The following JAKMIP1 variants were observed in gnomAD, a reference collection of about 807,000 sequenced individuals.
JAKMIP1 encodes janus kinase and microtubule interacting protein 1.
A neutral mutation model predicts 113.0 loss-of-function variants in JAKMIP1; 33 were observed. The observed-to-expected ratio is 0.29, with a 90% CI of 0.22 to 0.39. The LOEUF is 0.39. Among genes scored for constraint, JAKMIP1 ranks in the 10% least tolerant of loss-of-function variants. The pLI, the probability that JAKMIP1 is intolerant of heterozygous loss-of-function variation, is 1.00. For missense variants in JAKMIP1, 813 were observed against 1,080.5 expected (o/e 0.75, Z 3.47); for synonymous variants, 480 against 459.9 (o/e 1.04, Z -0.56).
At position 6,105,806 on chromosome 4, in the gene JAKMIP1, C is replaced by T. The variant is rs748881878; in HGVS notation, c.291G>A (p.Gln97=). 1 of 1,609,740 alleles carries T rather than the reference C, an allele frequency of 6.2e-7. No homozygotes were observed. The highest frequency in any genetic ancestry group is 8.5e-7 in the Non-Finnish European group (1 of 1,179,722). The stretch of plus-strand genomic sequence containing the variant: ...TGATCTTGGCGGTGCGCGCCGCCTC[C>T]TGCTCGTGCTGCCGGATGAGCCCCT... ...LREGLIRQHE[Q]EAARTAKIKE... is the part of the protein sequence containing the mutation. Residue 97 remains glutamine (Q), a synonymous_variant, in exon 3 of 21, where the codon CAG becomes CAA. Transcript: ENST00000409021.
At chr4:6,098,683 A>AG (rs1491355396) in intron 3 of JAKMIP1, among the ~76,000 whole-genome samples, 20 of 7,512 alleles carry the variant, frequency 2.7e-3, no homozygotes, top group South Asian at 0.016. Context: ...AAAGAAAGAA[A>AG]GAAAGAAAGA....
chr4:6,087,229 T>C (rs4689336), intron 3 of JAKMIP1, among the ~76,000 whole-genome samples: 70,408 of 152,104 alleles, frequency 0.46, 17,356 homozygotes, highest in Admixed American at 0.6. Flanking sequence ...CCTCTTCTGA[T>C]AGCAGAGAGA....
chr4:6,066,764 GC>G (rs1440848881), intron 8 of JAKMIP1, among the ~76,000 whole-genome samples: 11 of 152,010 alleles, frequency 7.2e-5, no homozygotes, highest in African/African-American at 2.7e-4. Flanking sequence ...CTTGGTCCCA[GC>G]CACCAATATC....
chr4:6,196,182 C>T (rs1159917780), intron 1 of JAKMIP1, among the ~76,000 whole-genome samples: 1 of 152,224 alleles, frequency 6.6e-6, no homozygotes, highest in African/African-American at 2.4e-5. Flanking sequence ...TTCTCCTCTA[C>T]TTTCCAGTAT....
intron 3 of JAKMIP1, among the ~76,000 whole-genome samples, chr4:6,091,362 T>TC (rs1560170244): frequency 6.6e-6 from 1 of 151,894 alleles, no homozygotes; most frequent in Non-Finnish European, 1.5e-5. Context: ...CAGAGTATTT[T>TC]TTCCCCCATT....
intron 1 of JAKMIP1, among the ~76,000 whole-genome samples, chr4:6,173,185 A>G (rs1285040510): frequency 2.0e-5 from 3 of 152,196 alleles, no homozygotes; most frequent in Non-Finnish European, 4.4e-5. Flanking sequence ...GGAGGGATGG[A>G]GAGAAAGAAG....
rs71984154 is a variant in JAKMIP1, at chr4:6,139,055, AACACAC to A, written c.-147-26064_-147-26059del. ...ATTGTTTGCATGTGACATCATTAGA[AACACAC>A]ACACACACACACACACACACACATA... On this transcript the variant is annotated intron_variant, in intron 1 of 20. Coordinates refer to ENST00000409021, the MANE Select transcript of JAKMIP1 (RefSeq NM_001099433.2). This position sits in a 1 kb window ranked among gnomAD's most constrained non-coding sequence, Gnocchi z 5.2. 0.037 allele frequency among the ~76,000 whole-genome samples: 3,777 copies of A among 103,450 alleles called. 58 individuals are homozygous for A. Among genetic ancestry groups the A allele is most frequent in the South Asian group, 0.055 (170 of 3,118 alleles). 67.9% of individuals were successfully genotyped at this position (103,450 alleles called of 152,430 possible).
At chr4:6,032,372 A>G (rs758219480) in intron 19 of JAKMIP1, among the ~76,000 whole-genome samples, 4 of 152,208 alleles carry the variant, frequency 2.6e-5, no homozygotes, top group Non-Finnish European at 5.9e-5. Flanking sequence ...GAGGCCAGAA[A>G]GAGCAGTGGG....
chr4:6,123,596 G>A (rs1716998758), intron 1 of JAKMIP1, among the ~76,000 whole-genome samples: 1 of 152,206 alleles, frequency 6.6e-6, no homozygotes, highest in South Asian at 2.1e-4. Flanking sequence ...CAAGGCAGGA[G>A]GATGGTTGAG....
chr4:6,089,068 A>G lies in JAKMIP1; in HGVS notation c.625-3439T>C, dbSNP rs1394754916. On this transcript the variant is annotated intron_variant, in intron 3 of 20. Coordinates refer to ENST00000409021, the MANE Select transcript of JAKMIP1 (RefSeq NM_001099433.2). This position sits in a 1 kb window ranked among gnomAD's most constrained non-coding sequence, Gnocchi z 5.3. ...CACCAGGATCCTCCTGTTTTTCTTTAGGAGCTAAGAAAGGGACTCTGGGCT... is the reference window on the plus strand; with the variant it reads ...CACCAGGATCCTCCTGTTTTTCTTTGGGAGCTAAGAAAGGGACTCTGGGCT... 6.6e-6 allele frequency among the ~76,000 whole-genome samples: 1 copy of G among 152,208 alleles called. No individual in the cohort carries two copies. The highest frequency in any genetic ancestry group is 1.5e-5 in the Non-Finnish European group (1 of 68,032).
At chr4:6,077,902 A>T (rs1680932937) in intron 8 of JAKMIP1, among the ~76,000 whole-genome samples, 1 of 152,080 alleles carries the variant, frequency 6.6e-6, no homozygotes, top group South Asian at 2.1e-4. Flanking sequence ...CCATCGGTCC[A>T]CCTTCTTATA....
chr4:6,065,045 G>A lies in JAKMIP1; in HGVS notation c.1303-37C>T, dbSNP rs774298008. The A allele has an allele frequency of 3.1e-6, 5 of 1,613,152 alleles. No homozygotes were observed. In the East Asian group the frequency reaches 1.1e-4, roughly 36 times the overall value. ...AATTTGTATGATGTTAGCAACGACT[G>A]AGGATTGCCAGAGTCTACCAGTCCC... On this transcript the variant is annotated intron_variant, in intron 8 of 20. Transcript: ENST00000409021. The surrounding 1 kb of genome is among the most constrained non-coding windows in gnomAD (Gnocchi z 5.1).
chr4:6,158,811 G>A lies in JAKMIP1; in HGVS notation c.-148+41442C>T, dbSNP rs559031582. Among the ~76,000 whole-genome samples, 32 of 152,266 alleles carry A rather than the reference G, an allele frequency of 2.1e-4. No homozygotes were observed. Among genetic ancestry groups the A allele is most frequent in the African/African-American group, 5.3e-4 (22 of 41,562 alleles). ...AGGAATTTAAAACACATACTGGGCC[G>A]GGCGTGGTGACTCACACCTGTAATC... On this transcript the variant is annotated intron_variant, in intron 1 of 20. Coordinates refer to ENST00000409021, the MANE Select transcript of JAKMIP1 (RefSeq NM_001099433.2). The surrounding 1 kb of genome is among the most constrained non-coding windows in gnomAD (Gnocchi z 5.3).
Position 6,170,419 on chromosome 4 carries a change from G to GCACCCTTACCACCACCACCATCACC in JAKMIP1, c.-148+29833_-148+29834insGGTGATGGTGGTGGTGGTAAGGGTG, listed in dbSNP as rs1724354143. ...CCTCTATCACTACCGCCACCACCAC[G>GCACCCTTACCACCACCACCATCACC]ACCATCACCATAGTCACCACCACCT... is the stretch of plus-strand genomic sequence containing the variant. On this transcript the variant is annotated intron_variant, in intron 1 of 20. Transcript: ENST00000409021. 1.1e-4 allele frequency among the ~76,000 whole-genome samples: 13 copies of GCACCCTTACCACCACCACCATCACC among 120,026 alleles called. 2 individuals are homozygous for GCACCCTTACCACCACCACCATCACC. Among genetic ancestry groups the GCACCCTTACCACCACCACCATCACC allele is most frequent in the African/African-American group, 3.5e-4 (11 of 31,016 alleles). 78.7% of individuals were successfully genotyped at this position (120,026 alleles called of 152,430 possible). A position where few individuals can be genotyped will look rare whatever the true frequency, so the allele number is the denominator to read the frequency against.
In JAKMIP1 at chr4:6,067,090, C is replaced by T. The variant is rs1018362851; in HGVS notation, c.1303-2082G>A. 6.6e-6 allele frequency among the ~76,000 whole-genome samples: 1 copy of T among 152,174 alleles called. No individual in the cohort carries two copies. Among genetic ancestry groups the T allele is most frequent in the African/African-American group, 2.4e-5 (1 of 41,446 alleles). On this transcript the variant is annotated intron_variant, in intron 8 of 20. Coordinates refer to ENST00000409021, the MANE Select transcript of JAKMIP1 (RefSeq NM_001099433.2). This position sits in a 1 kb window ranked among gnomAD's most constrained non-coding sequence, Gnocchi z 4.6. ...CCGCCCCAGCCTCTGGGGCCTCCTT[C>T]TTTATTCCTTTCCATAGCACATCTC...
At chr4:6,147,515 A>C (rs1721001717) in intron 1 of JAKMIP1, among the ~76,000 whole-genome samples, 1 of 152,168 alleles carries the variant, frequency 6.6e-6, no homozygotes, top group Non-Finnish European at 1.5e-5. Context: ...AATGTCTTCC[A>C]TGTGGTCCTC....
intron 4 of JAKMIP1, 69 bp downstream of exon 4, chr4:6,085,351 T>C (rs1184775484): frequency 1.2e-5 from 17 of 1,419,434 alleles, no homozygotes; most frequent in Non-Finnish European, 1.6e-5. Context: ...CCTCTGTGGC[T>C]GACCAGAAAA....
In JAKMIP1 at chr4:6,199,140, T is replaced by G. The variant is rs1489834464; in HGVS notation, c.-148+1113A>C. ...GGCGTTCGCGGAGAGAGCACAGCACTGGCAAAGGCCAAGGACAGTGTGCCT... is the reference window on the plus strand; with the variant it reads ...GGCGTTCGCGGAGAGAGCACAGCACGGGCAAAGGCCAAGGACAGTGTGCCT... On this transcript the variant is annotated intron_variant, in intron 1 of 20. Transcript: ENST00000409021. This position sits in a 1 kb window ranked among gnomAD's most constrained non-coding sequence, Gnocchi z 5.6. Among the ~76,000 whole-genome samples, 1 of 152,230 alleles carries G rather than the reference T, an allele frequency of 6.6e-6. No homozygotes were observed. The highest frequency in any genetic ancestry group is 1.5e-5 in the Non-Finnish European group (1 of 68,034).
rs1433896545 is a variant in JAKMIP1 at position 6,083,177 on chromosome 4, C to T, written c.955-1422G>A. On this transcript the variant is annotated intron_variant, in intron 5 of 20. Coordinates refer to ENST00000409021, the MANE Select transcript of JAKMIP1 (RefSeq NM_001099433.2). ...CAGCACTTTGGGAAGCTGAGGCAGGCAGATCACTTGAGGTCAGGAGTTCAA... is the reference window on the plus strand; with the variant it reads ...CAGCACTTTGGGAAGCTGAGGCAGGTAGATCACTTGAGGTCAGGAGTTCAA... Among the ~76,000 whole-genome samples, 8 of 151,934 alleles carry T rather than the reference C, an allele frequency of 5.3e-5. No individual in the cohort carries two copies. In the East Asian group the frequency reaches 7.7e-4, roughly 15 times the overall value.
Sources: gnomAD v4.1 joint callset for allele counts (sites outside exome capture counted in the v4.1 genomes callset) on GRCh38, gnomAD v4.1.1 for gene constraint, Gnocchi (gnomAD v3.1) non-coding constraint, MANE v1.5 for transcripts, NCBI Gene and HGNC (gene_info 2026-07-23, HGNC 2026-07-21) for gene names.